Variants in ZFP64 observed in about 807,000 individuals in gnomAD.
ZFP64 encodes the protein ZFP64 zinc finger protein, also known as zinc finger protein 64.
Under a neutral mutation model 51.6 loss-of-function variants are expected in ZFP64, and 14 were observed. The observed-to-expected ratio is 0.27, with a 90% CI of 0.18 to 0.42. The LOEUF is 0.42. Among genes scored for constraint, ZFP64 ranks in the 10% least tolerant of loss-of-function variants. ZFP64 has a pLI of 1.00. For synonymous variants in ZFP64, 375 were observed against 361.4 expected (o/e 1.04, Z -0.43); for missense variants, 754 against 906.8 (o/e 0.83, Z 2.16).
rs762621756 is a variant in ZFP64 at position 52,088,659 on chromosome 20, G to A, written c.977-16C>T. On this transcript the variant is annotated splice_polypyrimidine_tract_variant and intron_variant, in intron 7 of 8. Transcript: ENST00000361387. ...GGTTTGTCTCCTTCAAACACATAAG[G>A]AGTCAAAGTTAAAGGTTTTTTGGTC... 3.7e-6 allele frequency: 6 copies of A among 1,613,200 alleles called. No individual in the cohort carries two copies. The African/African-American group carries it at 8.0e-5, about 22-fold the overall frequency.
chr20:52,145,037 T>C (rs1268318985), intron 5 of ZFP64, among the ~76,000 whole-genome samples: 3 of 152,224 alleles, frequency 2.0e-5, no homozygotes, highest in East Asian at 1.9e-4. Context: ...ATTTCTGAGA[T>C]AGTCAAACTA....
Position 52,191,473 on chromosome 20 carries a change from C to G in ZFP64, c.46+118G>C, listed in dbSNP as rs1189806408. On this transcript the variant is annotated intron_variant, in intron 1 of 5. Transcript: ENST00000216923. The surrounding 1 kb of genome is among the most constrained non-coding windows in gnomAD (Gnocchi z 4.3). Reference sequence around the variant, plus strand: ...GCGGTCCCCGAGACGCGGCTCCGAGCCGTCACCCCGATTTCGGGGCCCCGG... The same window carrying G: ...GCGGTCCCCGAGACGCGGCTCCGAGGCGTCACCCCGATTTCGGGGCCCCGG... 1.6e-6 allele frequency: 2 copies of G among 1,253,216 alleles called. No homozygotes were observed. The highest frequency in any genetic ancestry group is 1.6e-5 in the African/African-American group (1 of 62,820). The allele number at this position is 1,253,216 out of a possible 1,614,324, so 77.6% of individuals were successfully genotyped here.
At chr20:52,148,826 G>C (rs1980651920), downstream of ZFP64, among the ~76,000 whole-genome samples, 1 of 152,108 alleles carries the variant, frequency 6.6e-6, no homozygotes, top group Non-Finnish European at 1.5e-5. Context: ...GACGTTCTTA[G>C]AAAACACACG....
rs1052514332 is a variant in ZFP64 at position 52,175,282 on chromosome 20, C to T, written c.287-9257G>A. ...GGATAACAGGTATGCGCCACCACGCCCAGCTAATTTTTGTATTTTTTGTAG... is the reference window on the plus strand; with the variant it reads ...GGATAACAGGTATGCGCCACCACGCTCAGCTAATTTTTGTATTTTTTGTAG... On this transcript the variant is annotated intron_variant, in intron 2 of 5. Transcript: ENST00000216923. Among the ~76,000 whole-genome samples the T allele has an allele frequency of 3.9e-5, 6 of 152,266 alleles. No homozygotes were observed. In the East Asian group the frequency reaches 1.2e-3, roughly 29 times the overall value.
In ZFP64 at chr20:52,127,577, G is replaced by A. The variant is rs533355924; in HGVS notation, c.764-28990C>T. ...TTCCCCTTTGCCTTCTGCCATGACT[G>A]TAACTTTCCTGAGGCCTCCCCAGCC... On this transcript the variant is annotated intron_variant, in intron 5 of 8. Coordinates refer to the ZFP64 transcript ENST00000361387. Among the ~76,000 whole-genome samples the A allele has an allele frequency of 8.5e-5, 13 of 152,212 alleles. No individual in the cohort carries two copies. The East Asian group carries it at 2.5e-3, about 29-fold the overall frequency.
At chr20:52,165,126 G>A (rs1982143633) in intron 3 of ZFP64, 1 of 464,258 alleles carries the variant, frequency 2.2e-6, no homozygotes, top group Non-Finnish European at 4.3e-6. Context: ...GTGATCACTG[G>A]TTGGAGCCTG....
chr20:52,134,684 G>A (rs1055351790), intron 5 of ZFP64, among the ~76,000 whole-genome samples: 1 of 152,012 alleles, frequency 6.6e-6, no homozygotes, highest in African/African-American at 2.4e-5. Flanking sequence ...ATCACATGCC[G>A]ATAACAACAA....
intron 5 of ZFP64, among the ~76,000 whole-genome samples, chr20:52,103,722 AAG>A (rs751235818): frequency 5.3e-5 from 8 of 152,220 alleles, no homozygotes; most frequent in Non-Finnish European, 1.0e-4. Flanking sequence ...AGAGATCAGC[AAG>A]AGCCCCGCCC....
At chr20:52,139,087 G>C (rs1980125255) in intron 5 of ZFP64, among the ~76,000 whole-genome samples, 1 of 152,176 alleles carries the variant, frequency 6.6e-6, no homozygotes, top group Non-Finnish European at 1.5e-5. Context: ...CTGCTTGTGG[G>C]AATGTAACTT....
Position 52,152,901 on chromosome 20 carries a change from C to T in ZFP64, c.1291G>A (p.Asp431Asn). 6.2e-7 allele frequency: 1 copy of T among 1,614,008 alleles called. No individual in the cohort carries two copies. Among genetic ancestry groups the T allele is most frequent in the Non-Finnish European group, 8.5e-7 (1 of 1,180,046 alleles). The change falls in exon 6 of 6, where the codon GAT (aspartate) becomes AAT (asparagine). Residue 431 changes from aspartate to asparagine, a missense_variant. Around this residue, in one of 3 missense-constraint regions of ZFP64, gnomAD observed 428 missense variants for 472.4 expected, o/e 0.91. Coordinates refer to ENST00000216923, the MANE Select transcript of ZFP64 (RefSeq NM_018197.3). Reference sequence around the variant, plus strand: ...GAGTCCTCCCGCATGAAGGAGGCATCGCATATATCGCAGTGGAAACTCTTC... The same window carrying T: ...GAGTCCTCCCGCATGAAGGAGGCATTGCATATATCGCAGTGGAAACTCTTC... ...AKKSFHCDIC[D>N]ASFMREDSLR...
intron 5 of ZFP64, chr20:52,110,502 C>T: frequency 1.4e-6 from 1 of 710,962 alleles, no homozygotes; most frequent in Non-Finnish European, 2.6e-6. Context: ...AGTCTAAGAT[C>T]TTCCCTGTGA....
At chr20:52,146,525 A>G (rs868728891), downstream of ZFP64, among the ~76,000 whole-genome samples, 20 of 144,210 alleles carry the variant, frequency 1.4e-4, no homozygotes, top group African/African-American at 5.1e-4. Flanking sequence ...TGGGAATTGA[A>G]CAATGAGAAC....
At chr20:52,100,680 TGA>T (rs1600703389) in intron 5 of ZFP64, among the ~76,000 whole-genome samples, 1 of 152,206 alleles carries the variant, frequency 6.6e-6, no homozygotes, top group East Asian at 1.9e-4. Context: ...AATCTTAGCA[TGA>T]GAGGCTGTAG....
At chr20:52,167,433 G>A (rs1568693098) in intron 2 of ZFP64, among the ~76,000 whole-genome samples, 1 of 84,292 alleles carries the variant, frequency 1.2e-5, no homozygotes, top group Non-Finnish European at 2.6e-5. Context: ...TGACTACTTT[G>A]TTAACTACAT....
intron 5 of ZFP64, among the ~76,000 whole-genome samples, chr20:52,130,147 G>T (rs940991923): frequency 6.6e-6 from 1 of 152,090 alleles, no homozygotes; most frequent in African/African-American, 2.4e-5. Flanking sequence ...ATCATACTCA[G>T]TCCCTCCACC....
chr20:52,108,029 C>A (rs1978355233), intron 5 of ZFP64, among the ~76,000 whole-genome samples: 1 of 152,128 alleles, frequency 6.6e-6, no homozygotes, highest in South Asian at 2.1e-4. Context: ...AGTTTGAGAC[C>A]AGCCTGGGCG....
intron 5 of ZFP64, among the ~76,000 whole-genome samples, chr20:52,100,282 G>A (rs1166283559): frequency 6.6e-6 from 1 of 151,916 alleles, no homozygotes; most frequent in Non-Finnish European, 1.5e-5. Context: ...GTCTCACTCT[G>A]TCGCCCAGAC....
chr20:52,102,107 CAA>C (rs34646115), intron 5 of ZFP64, among the ~76,000 whole-genome samples: 13 of 63,410 alleles, frequency 2.1e-4, no homozygotes, highest in African/African-American at 4.1e-4. Context: ...ACTCCATCTC[CAA>C]AAAAAAAAAA....
Position 52,145,301 on chromosome 20 carries a change from A to C in ZFP64, c.763+14822T>G, listed in dbSNP as rs1041098726. ...ACAGCACGTGAATGTGCTGAGTACT[A>C]TAGGTAATGGTAACACAATGGTAAG... is the stretch of plus-strand genomic sequence containing the variant. On this transcript the variant is annotated intron_variant, in intron 5 of 8. Transcript: ENST00000361387. Among the ~76,000 whole-genome samples, 4 of 152,322 alleles carry C rather than the reference A, an allele frequency of 2.6e-5. No individual in the cohort carries two copies. The East Asian group carries it at 7.7e-4, about 29-fold the overall frequency.
Sources: allele counts gnomAD v4.1 joint callset (sites outside exome capture counted in the v4.1 genomes callset), GRCh38; gene constraint gnomAD v4.1.1; regional missense constraint gnomAD v4.1.1; non-coding constraint Gnocchi (gnomAD v3.1); transcripts MANE v1.5; gene names NCBI Gene and HGNC (gene_info 2026-07-23, HGNC 2026-07-21).